Variants in KIF16B observed in about 807,000 individuals in gnomAD.
The protein encoded by KIF16B is kinesin-like protein KIF16B.
In KIF16B, 98 loss-of-function variants were observed where a neutral mutation model predicts 156.3. The ratio of observed to expected loss-of-function variants is 0.63; its 90% CI spans 0.53 to 0.74. KIF16B has a LOEUF of 0.74. Among genes scored for constraint, KIF16B ranks in the 30% least tolerant of loss-of-function variants. KIF16B has a pLI of 0.00. For missense variants in KIF16B, 1,421 were observed against 1,606.5 expected (o/e 0.88, Z 1.97); for synonymous variants, 564 against 583.7 (o/e 0.97, Z 0.49).
chr20:16,366,810 C>T lies in KIF16B; in HGVS notation c.3498+3776G>A, dbSNP rs1398976769. On this transcript the variant is annotated intron_variant, in intron 22 of 25. Transcript: ENST00000354981. The stretch of plus-strand genomic sequence containing the variant: ...GAATCCAGTAGGCACAGACAGATTC[C>T]AAGCCACCACACTATAAATCGACAC... 4.9e-5 allele frequency: 51 copies of T among 1,040,074 alleles called. No homozygotes were observed. In the South Asian group the frequency reaches 1.5e-3, roughly 31 times the overall value. 64.4% of individuals were successfully genotyped at this position (1,040,074 alleles called of 1,614,324 possible). A position where few individuals can be genotyped will look rare whatever the true frequency, so the allele number is the denominator to read the frequency against.
intron 17 of KIF16B, among the ~76,000 whole-genome samples, chr20:16,404,384 G>A (rs907474424): frequency 6.6e-6 from 1 of 152,136 alleles, no homozygotes; most frequent in African/African-American, 2.4e-5. Context: ...CCTAGTGTTC[G>A]AAGTAGTGAA....
chr20:16,321,151 T>C (rs1166806847), intron 24 of KIF16B, among the ~76,000 whole-genome samples: 1 of 152,152 alleles, frequency 6.6e-6, no homozygotes, highest in Non-Finnish European at 1.5e-5. Context: ...GCCTATTCAT[T>C]TAGATACTTA....
intron 15 of KIF16B, among the ~76,000 whole-genome samples, chr20:16,409,761 TA>T (rs1013951175): frequency 6.6e-6 from 1 of 151,254 alleles, no homozygotes; most frequent in African/African-American, 2.4e-5. Context: ...AATGCATCAC[TA>T]GTTGAATGGG....
At chr20:16,499,562 T>C (rs574160477) in intron 10 of KIF16B, among the ~76,000 whole-genome samples, 4 of 152,364 alleles carry the variant, frequency 2.6e-5, no homozygotes, top group South Asian at 2.1e-4. Flanking sequence ...ATATTTTTCA[T>C]TGAAGACATG....
rs774643031 is a variant in KIF16B, at chr20:16,508,136, CT to C, written c.557-37del. The C allele has an allele frequency of 1.6e-5, 26 of 1,605,638 alleles. No homozygotes were observed. In the East Asian group the frequency reaches 3.6e-4, roughly 22 times the overall value. ...AAATGGAAGGGGTGAAGAAATCCCC[CT>C]AATATATAGGAAATGGAATACAAAA... On this transcript the variant is annotated intron_variant, in intron 6 of 25. Coordinates refer to ENST00000354981, the MANE Select transcript of KIF16B (RefSeq NM_024704.5).
chr20:16,487,518 G>GA (rs2068156532), intron 12 of KIF16B, among the ~76,000 whole-genome samples: 1 of 152,028 alleles, frequency 6.6e-6, no homozygotes, highest in Non-Finnish European at 1.5e-5. Context: ...GGCAGCCAGA[G>GA]AAAAAAATCT....
At chr20:16,519,797 G>C (rs557539674) in intron 3 of KIF16B, among the ~76,000 whole-genome samples, 32 of 152,328 alleles carry the variant, frequency 2.1e-4, no homozygotes, top group African/African-American at 7.2e-4. Context: ...GTGATTTCTG[G>C]ATTTTCAATT....
intron 23 of KIF16B, among the ~76,000 whole-genome samples, chr20:16,338,114 C>T (rs2064073473): frequency 6.6e-6 from 1 of 152,172 alleles, no homozygotes; most frequent in African/African-American, 2.4e-5. Flanking sequence ...GCAAAATCCC[C>T]CAGGACCTCA....
At chr20:16,571,620 C>T (rs2071454731) in intron 1 of KIF16B, among the ~76,000 whole-genome samples, 2 of 151,788 alleles carry the variant, frequency 1.3e-5, no homozygotes, top group South Asian at 4.2e-4. Flanking sequence ...TTGGTAGGTG[C>T]TTAACAAATA....
At chr20:16,518,271 C>G (rs916577959) in intron 3 of KIF16B, among the ~76,000 whole-genome samples, 1 of 152,178 alleles carries the variant, frequency 6.6e-6, no homozygotes, top group Non-Finnish European at 1.5e-5. Flanking sequence ...ATCACAGCTC[C>G]CACAGAGGAT....
chr20:16,459,135 T>G (rs1419827310), intron 12 of KIF16B, among the ~76,000 whole-genome samples: 2 of 152,206 alleles, frequency 1.3e-5, no homozygotes, highest in African/African-American at 4.8e-5. Flanking sequence ...ATTTCAAATT[T>G]AATTACAGGT....
chr20:16,492,085 A>AT (rs2068311561), intron 12 of KIF16B, among the ~76,000 whole-genome samples: 1 of 152,206 alleles, frequency 6.6e-6, no homozygotes, highest in Admixed American at 6.5e-5. Context: ...CTCATGGCTC[A>AT]TAACTCAAAC....
At position 16,380,127 on chromosome 20, in the gene KIF16B, TG is replaced by T. The variant is rs759972760; in HGVS notation, c.1874del (p.Ser625Ter). On this transcript the variant is annotated frameshift_variant, in exon 19 of 26. Coordinates refer to ENST00000354981, the MANE Select transcript of KIF16B (RefSeq NM_024704.5). LOFTEE classifies it high-confidence loss of function. Reference sequence around the variant, plus strand: ...GCATCCGCTCCAGTTCAGCCTTGTCTGATTTCTGCTTTTCCTCCATTTCTTC... The same window carrying T: ...GCATCCGCTCCAGTTCAGCCTTGTCTATTTCTGCTTTTCCTCCATTTCTTC... ...LIEEMEEKQK[S>X]DKAELERMQQ... is the part of the protein sequence containing the mutation. 1 of 1,515,160 alleles carries T rather than the reference TG, an allele frequency of 6.6e-7. No individual in the cohort carries two copies. The highest frequency in any genetic ancestry group is 8.8e-7 in the Non-Finnish European group (1 of 1,135,848). 93.9% of individuals were successfully genotyped at this position (1,515,160 alleles called of 1,614,324 possible).
chr20:16,538,590 T>C (rs2070069638), intron 1 of KIF16B, among the ~76,000 whole-genome samples: 1 of 151,926 alleles, frequency 6.6e-6, no homozygotes, highest in African/African-American at 2.4e-5. Context: ...TATAGATCAA[T>C]ATGGGGGGAG....
chr20:16,468,202 C>T (rs919079655), intron 12 of KIF16B, among the ~76,000 whole-genome samples: 1 of 152,110 alleles, frequency 6.6e-6, no homozygotes, highest in African/African-American at 2.4e-5. Context: ...CTACTCTAAT[C>T]AAAAGAAAGT....
chr20:16,384,035 A>C (rs2065167937), intron 17 of KIF16B, among the ~76,000 whole-genome samples: 1 of 152,248 alleles, frequency 6.6e-6, no homozygotes, highest in South Asian at 2.1e-4. Context: ...GGCTTAGAGT[A>C]CATAAGCAGC....
intron 12 of KIF16B, among the ~76,000 whole-genome samples, chr20:16,459,395 C>A (rs1568559052): frequency 2.6e-5 from 4 of 152,206 alleles, no homozygotes; most frequent in Admixed American, 1.3e-4. Flanking sequence ...CCTTCCTTTA[C>A]AGAGTCCCAA....
At chr20:16,565,355 G>A (rs567063613) in intron 1 of KIF16B, among the ~76,000 whole-genome samples, 1 of 152,300 alleles carries the variant, frequency 6.6e-6, no homozygotes, top group East Asian at 1.9e-4. Flanking sequence ...AAATTTGACT[G>A]TACCTTCATG....
At chr20:16,522,920 C>A (rs542030512) in intron 3 of KIF16B, among the ~76,000 whole-genome samples, 2 of 152,144 alleles carry the variant, frequency 1.3e-5, no homozygotes, top group African/African-American at 2.4e-5. Context: ...ATAAACAGAA[C>A]GAATGACAAA....
Sources: gnomAD v4.1 joint callset for allele counts (sites outside exome capture counted in the v4.1 genomes callset) on GRCh38, gnomAD v4.1.1 for gene constraint, MANE v1.5 for transcripts, NCBI Gene and HGNC (gene_info 2026-07-23, HGNC 2026-07-21) for gene names.